NHSL1: variants seen among roughly 807,000 people sequenced by gnomAD.
The protein encoded by NHSL1 is NHS-like protein 1.
Under a neutral mutation model 95.0 loss-of-function variants are expected in NHSL1, and 48 were observed. The observed-to-expected ratio is 0.51, with a 90% confidence interval of 0.40 to 0.64. The LOEUF (loss-of-function observed/expected upper bound fraction) is 0.64, where lower values mean the gene tolerates loss of function less well. Among genes scored for constraint, NHSL1 ranks in the 30% least tolerant of loss-of-function variants. The pLI is 0.00. For missense variants in NHSL1, 1,971 were observed against 2,077.7 expected (o/e 0.95, Z 1.00); for synonymous variants, 783 against 833.9 (o/e 0.94, Z 1.05).
At chr6:138,530,504 T>C (rs1233766688) in intron 1 of NHSL1, among the ~76,000 whole-genome samples, 2 of 152,166 alleles carry the variant, frequency 1.3e-5, no homozygotes, top group African/African-American at 4.8e-5. Flanking sequence ...CAATTTGCAA[T>C]TGCAAAAATG....
intron 2 of NHSL1, among the ~76,000 whole-genome samples, chr6:138,476,072 G>T (rs556489245): frequency 2.7e-4 from 41 of 152,290 alleles, no homozygotes; most frequent in African/African-American, 9.6e-4. Flanking sequence ...CAACTTCTAT[G>T]GAAAACAGTA....
chr6:138,424,261 C>T lies in NHSL1; in HGVS notation c.4641G>A (p.Ala1547=), dbSNP rs1364398486. The change falls in exon 8 of 8, where the codon GCG becomes GCA. Residue 1547 remains alanine (A), a synonymous_variant. Coordinates refer to ENST00000343505, the MANE Select transcript of NHSL1 (RefSeq NM_001144060.2). The surrounding 1 kb of genome is among the most constrained non-coding windows in gnomAD (Gnocchi z 5.9). The part of the protein sequence containing the change: ...DSIARGALGA[A]EGCSLDGLAR... ...CCAGTCCGTCCAGGGAACATCCCTC[C>T]GCAGCGCCCAGAGCCCCGCGGGCTA... is the stretch of plus-strand genomic sequence containing the variant. 11 of 1,501,092 alleles carry T rather than the reference C, an allele frequency of 7.3e-6. No individual in the cohort carries two copies. Among genetic ancestry groups the T allele is most frequent in the Middle Eastern group, 1.7e-4 (1 of 5,724 alleles). The allele number at this position is 1,501,092 out of a possible 1,614,324, so 93.0% of individuals were successfully genotyped here. A position where few individuals can be genotyped will look rare whatever the true frequency, so the allele number is the denominator to read the frequency against.
chr6:138,604,610 T>A (rs1043593640), intron 1 of NHSL1, among the ~76,000 whole-genome samples: 1 of 152,204 alleles, frequency 6.6e-6, no homozygotes, highest in Non-Finnish European at 1.5e-5. Context: ...GTATGTTATT[T>A]GCACTATGAT....
At chr6:138,567,300 C>T (rs1385461698) in intron 1 of NHSL1, among the ~76,000 whole-genome samples, 1 of 151,952 alleles carries the variant, frequency 6.6e-6, no homozygotes, top group Non-Finnish European at 1.5e-5. Context: ...ACTACTTTTT[C>T]TATTTTTTTG....
chr6:138,473,901 G>C (rs1013282663), intron 2 of NHSL1, among the ~76,000 whole-genome samples: 2 of 152,102 alleles, frequency 1.3e-5, no homozygotes, highest in South Asian at 2.1e-4. Context: ...AGCTGGAAGT[G>C]ACACATGAGA....
At chr6:138,478,380 A>AC (rs1779219909) in intron 2 of NHSL1, among the ~76,000 whole-genome samples, 1 of 152,170 alleles carries the variant, frequency 6.6e-6, no homozygotes. Context: ...ATGGCAGCTG[A>AC]CCAATTTTTT....
At chr6:138,598,145 A>T (rs1784324776) in intron 1 of NHSL1, among the ~76,000 whole-genome samples, 1 of 151,924 alleles carries the variant, frequency 6.6e-6, no homozygotes, top group Non-Finnish European at 1.5e-5. Flanking sequence ...GAGATACCCC[A>T]TCTCTACAAA....
chr6:138,457,791 C>CTT (rs1002254521), intron 3 of NHSL1, among the ~76,000 whole-genome samples: 4 of 151,976 alleles, frequency 2.6e-5, no homozygotes, highest in African/African-American at 9.7e-5. Flanking sequence ...GGGCGGATCA[C>CTT]GAGGTCAGGA....
At chr6:138,623,079 A>C (rs944097050) in intron 1 of NHSL1, among the ~76,000 whole-genome samples, 1 of 152,264 alleles carries the variant, frequency 6.6e-6, no homozygotes, top group African/African-American at 2.4e-5. Context: ...GCAAGTGATG[A>C]AGTCACCAAG....
chr6:138,494,769 A>C (rs1242427412), intron 2 of NHSL1, among the ~76,000 whole-genome samples: 3 of 152,194 alleles, frequency 2.0e-5, no homozygotes, highest in Admixed American at 6.5e-5. Flanking sequence ...TAAAGTCCCA[A>C]ATACTGCATG....
At chr6:138,671,660 C>T (rs1318662274) in intron 1 of NHSL1, among the ~76,000 whole-genome samples, 1 of 151,774 alleles carries the variant, frequency 6.6e-6, no homozygotes, top group Admixed American at 6.6e-5. Context: ...GTCATATCTC[C>T]AAGAAGACAA....
chr6:138,644,316 C>T (rs1784991192), intron 1 of NHSL1, among the ~76,000 whole-genome samples: 2 of 152,126 alleles, frequency 1.3e-5, no homozygotes, highest in Admixed American at 1.3e-4. Flanking sequence ...GTCTGACCAA[C>T]ATGGTGAAAC....
intron 1 of NHSL1, among the ~76,000 whole-genome samples, chr6:138,635,078 T>C: frequency 1.4e-5 from 2 of 140,102 alleles, no homozygotes; most frequent in Non-Finnish European, 3.1e-5. Flanking sequence ...GTACCTACAT[T>C]AAAAAAAAAA....
At chr6:138,529,654 C>G (rs1038930951) in intron 1 of NHSL1, among the ~76,000 whole-genome samples, 5 of 152,216 alleles carry the variant, frequency 3.3e-5, no homozygotes, top group African/African-American at 1.2e-4. Context: ...TCATTGTTGG[C>G]AGAATTCAGT....
At chr6:138,565,719 G>A (rs1349567871) in intron 1 of NHSL1, among the ~76,000 whole-genome samples, 3 of 151,758 alleles carry the variant, frequency 2.0e-5, no homozygotes, top group Non-Finnish European at 4.4e-5. Context: ...GAGGCCAGAT[G>A]TTCAAGATCA....
intron 1 of NHSL1, among the ~76,000 whole-genome samples, chr6:138,559,349 C>A (rs1487745089): frequency 6.6e-6 from 1 of 152,234 alleles, no homozygotes; most frequent in Non-Finnish European, 1.5e-5. Context: ...TTCCACACTG[C>A]CCTGCAGCAG....
Position 138,430,809 on chromosome 6 carries a change from C to A in NHSL1, c.3536G>T (p.Ser1179Ile), listed in dbSNP as rs1775590163. Residue 1179 changes from serine (S) to isoleucine (I), a missense_variant, in exon 6 of 8, where the codon AGC becomes ATC. By Grantham distance (142) the Ser-to-Ile change is moderately radical (BLOSUM62 -2). This residue lies in a region of NHSL1 where 1,602 missense variants were observed against 1,654.5 expected (regional missense o/e 0.97). Coordinates refer to ENST00000343505, the MANE Select transcript of NHSL1 (RefSeq NM_001144060.2). The surrounding 1 kb of genome is among the most constrained non-coding windows in gnomAD (Gnocchi z 4.7). ...TGAAGAGTCTGGGAGTGGGGTGGTG[C>A]TGGGGCTGGGCCGAGCCTCTGCCTC... ...AGEAEARPSP[S>I]TTPLPDSSPS... 1 of 1,551,076 alleles carries A rather than the reference C, an allele frequency of 6.4e-7. No individual in the cohort carries two copies. The highest frequency in any genetic ancestry group is 8.7e-7 in the Non-Finnish European group (1 of 1,146,894).
upstream of NHSL1, among the ~76,000 whole-genome samples, chr6:138,546,403 C>T (rs1367654046): frequency 8.3e-6 from 1 of 120,110 alleles, no homozygotes; most frequent in African/African-American, 3.3e-5. Context: ...CCAGCCTCGG[C>T]AACACAGTGA....
At chr6:138,690,121 C>A (rs1785643886) in intron 1 of NHSL1, among the ~76,000 whole-genome samples, 1 of 152,192 alleles carries the variant, frequency 6.6e-6, no homozygotes, top group South Asian at 2.1e-4. Context: ...AAATGGATGG[C>A]CTTTACGGTC....
Sources: allele counts gnomAD v4.1 joint callset (sites outside exome capture counted in the v4.1 genomes callset), GRCh38; gene constraint gnomAD v4.1.1; regional missense constraint gnomAD v4.1.1; non-coding constraint Gnocchi (gnomAD v3.1); transcripts MANE v1.5; gene names NCBI Gene and HGNC (gene_info 2026-07-23, HGNC 2026-07-21).